Variants in MUC4 observed in about 807,000 individuals in gnomAD.
The protein encoded by MUC4 is mucin-4.
MUC4 carries 202 observed loss-of-function variants against 257.9 expected under a neutral mutation model. That is an observed-to-expected ratio of 0.78 (90% confidence interval 0.70 to 0.88). The LOEUF is 0.88. Among genes scored for constraint, MUC4 ranks in the 40% least tolerant of loss-of-function variants. The pLI, the probability that MUC4 is intolerant of heterozygous loss-of-function variation, is 0.00. For missense variants in MUC4, 5,976 were observed against 6,513.7 expected (o/e 0.92, Z 2.84); for synonymous variants, 2,351 against 2,757.1 (o/e 0.85, Z 4.62).
intron 1 of MUC4, among the ~76,000 whole-genome samples, chr3:195,798,236 A>G (rs935138581): frequency 1.3e-5 from 2 of 152,224 alleles, no homozygotes; most frequent in African/African-American, 4.8e-5. Flanking sequence ...AATAAATCTA[A>G]CAAAAGATGT....
In MUC4 at chr3:195,754,916, G is replaced by A. The variant is rs527732526; in HGVS notation, c.15169-544C>T. ...ATCCATGTATGTATGTGTGTGTCAT[G>A]CATGTATGCATGTATCCATGTATGT... On this transcript the variant is annotated intron_variant, in intron 18 of 24. Transcript: ENST00000463781. Among the ~76,000 whole-genome samples, 1,233 of 128,636 alleles carry A rather than the reference G, an allele frequency of 9.6e-3. 12 individuals carry two copies. The highest frequency in any genetic ancestry group is 0.034 in the African/African-American group (1,179 of 34,326). The allele number at this position is 128,636 out of a possible 152,430, so 84.4% of individuals were successfully genotyped here. A position where few individuals can be genotyped will look rare whatever the true frequency, so the allele number is the denominator to read the frequency against.
rs1192833264 is a variant in MUC4 at position 195,780,344 on chromosome 3, G to C, written c.11236C>G (p.Pro3746Ala). 3 of 1,414,332 alleles carry C rather than the reference G, an allele frequency of 2.1e-6. No individual in the cohort carries two copies. The highest frequency in any genetic ancestry group is 2.9e-6 in the Non-Finnish European group (3 of 1,044,764). 87.6% of individuals were successfully genotyped at this position (1,414,332 alleles called of 1,614,324 possible). Residue 3746 changes from proline to alanine, a missense_variant, in exon 2 of 25, where the codon CCT becomes GCT. By Grantham distance (27) the Pro-to-Ala change is conservative (BLOSUM62 -1). Coordinates refer to ENST00000463781, the MANE Select transcript of MUC4 (RefSeq NM_018406.7). ...GATGCTGAGGAAGTGCTGGTGACAGGAAGAGGGGTGACGTGACCTGTGGAT... is the reference window on the plus strand; with the variant it reads ...GATGCTGAGGAAGTGCTGGTGACAGCAAGAGGGGTGACGTGACCTGTGGAT... ...SASTGHVTPL[P>A]VTSTSSASTG...
chr3:195,759,214 T>G lies in MUC4; in HGVS notation c.14896A>C (p.Lys4966Gln). 1 of 1,614,100 alleles carries G rather than the reference T, an allele frequency of 6.2e-7. No individual in the cohort carries two copies. Among genetic ancestry groups the G allele is most frequent in the South Asian group, 1.1e-5 (1 of 91,074 alleles). ...INGGRVIEAY[K>Q]GQTTLIQYTS... ...TACTGAATCAGCGTGGTCTGCCCCT[T>G]GTAGGCTTCAATCACACGACCACCA... The change falls in exon 17 of 25, where the codon AAG (lysine) becomes CAG (glutamine). Residue 4966 changes from lysine to glutamine, a missense_variant. Lys to Gln is a moderately conservative substitution (Grantham distance 53). Transcript: ENST00000463781.
chr3:195,766,795 T>C lies in MUC4; in HGVS notation c.13530-44A>G. 5 of 1,568,724 alleles carry C rather than the reference T, an allele frequency of 3.2e-6. No homozygotes were observed. In the South Asian group the frequency reaches 5.6e-5, roughly 17 times the overall value. ...TCTCAGGCCTCTGCCGTGCACAGGC[T>C]CTTGCCTCGCGGTTGCAAGGCGTCC... On this transcript the variant is annotated intron_variant, in intron 7 of 24. Transcript: ENST00000463781.
intron 1 of MUC4, among the ~76,000 whole-genome samples, chr3:195,794,647 C>T (rs1201925331): frequency 2.0e-5 from 3 of 152,130 alleles, no homozygotes; most frequent in Non-Finnish European, 4.4e-5. Context: ...AAGGTGTGAG[C>T]CACCGCTCCC....
chr3:195,789,475 T>C lies in MUC4; in HGVS notation c.2105A>G (p.Asp702Gly), dbSNP rs929719426. 1 of 1,613,790 alleles carries C rather than the reference T, an allele frequency of 6.2e-7. No homozygotes were observed. Among genetic ancestry groups the C allele is most frequent in the Non-Finnish European group, 8.5e-7 (1 of 1,179,868 alleles). Residue 702 changes from aspartate to glycine, a missense_variant, in exon 2 of 25, where the codon GAT (aspartate) becomes GGT (glycine). Physicochemically the swap from Asp to Gly is moderately conservative, Grantham distance 94 (BLOSUM62 -1). Transcript: ENST00000463781. ...GGTCGGGGCCTGGGTTGTGTGACCATCCCCGGTGGGAGCTGGGGCAAAGGT... is the reference window on the plus strand; with the variant it reads ...GGTCGGGGCCTGGGTTGTGTGACCACCCCCGGTGGGAGCTGGGGCAAAGGT... ...ATTFAPAPTG[D>G]GHTTQAPTTA...
intron 19 of MUC4, 52 bp downstream of exon 19, chr3:195,754,161 A>C: frequency 6.4e-7 from 1 of 1,570,744 alleles, no homozygotes; most frequent in Non-Finnish European, 8.6e-7. Context: ...TACACCCTTG[A>C]GCTATCAGCT....
At chr3:195,767,534 C>CCACCATCATCACCAT (rs1379121101) in intron 7 of MUC4, among the ~76,000 whole-genome samples, 6 of 120,928 alleles carry the variant, frequency 5.0e-5, no homozygotes, top group Non-Finnish European at 6.6e-5. Context: ...ACCATCGCCA[C>CCACCATCATCACCAT]CACCATCATC....
At chr3:195,800,057 C>T (rs1329014328) in intron 1 of MUC4, among the ~76,000 whole-genome samples, 1 of 152,118 alleles carries the variant, frequency 6.6e-6, no homozygotes, top group Non-Finnish European at 1.5e-5. Flanking sequence ...GCGGGTGGAT[C>T]ATTTGAGGTC....
rs758939515 is a variant in MUC4, at chr3:195,750,977, T to C, written c.15783A>G (p.Leu5261=). Residue 5261 remains leucine, a synonymous_variant, in exon 23 of 25, where the codon TTA becomes TTG. Transcript: ENST00000463781. ...CCTCACTCCTCCGTGGAACGTGGTATAAGAACGCCTCCACCACCGCGGCCA... is the reference window on the plus strand; with the variant it reads ...CCTCACTCCTCCGTGGAACGTGGTACAAGAACGCCTCCACCACCGCGGCCA... The part of the protein sequence containing the change: ...QLLAAVVEAF[L]YHVPRRSEEP... The C allele has an allele frequency of 1.7e-5, 27 of 1,613,834 alleles. No individual in the cohort carries two copies. The highest frequency in any genetic ancestry group is 1.3e-5 in the Non-Finnish European group (15 of 1,179,994).
At chr3:195,767,519 C>CCACCATCATTGCCACCACCATCAT (rs1342916693) in intron 7 of MUC4, among the ~76,000 whole-genome samples, 4 of 125,236 alleles carry the variant, frequency 3.2e-5, no homozygotes, top group Admixed American at 7.7e-5. Context: ...ATCACCATCA[C>CCACCATCATTGCCACCACCATCAT]CACCACCATC....
Position 195,778,785 on chromosome 3 carries a change from G to A in MUC4, c.12790+5C>T, listed in dbSNP as rs771589561. On this transcript the variant is annotated splice_donor_5th_base_variant and intron_variant, in intron 2 of 24. Transcript: ENST00000463781. ...AGACATAAAGGCGAGGCAGTTGGCAGCTACCTGGTGTTTCCATCTTCAGAG... is the reference window on the plus strand; with the variant it reads ...AGACATAAAGGCGAGGCAGTTGGCAACTACCTGGTGTTTCCATCTTCAGAG... 4.4e-6 allele frequency: 7 copies of A among 1,605,706 alleles called. No homozygotes were observed. Among genetic ancestry groups the A allele is most frequent in the Admixed American group, 1.7e-5 (1 of 59,320 alleles).
intron 12 of MUC4, 73 bp from the exon 13 acceptor site, chr3:195,763,018 G>GC: frequency 7.1e-6 from 9 of 1,266,340 alleles, no homozygotes; most frequent in Middle Eastern, 1.9e-4. Flanking sequence ...AGCTGGGAGA[G>GC]CCCCTGGGGC....
In MUC4 at chr3:195,790,123, G is replaced by A. The variant is rs1294104650; in HGVS notation, c.1457C>T (p.Thr486Ile). The A allele has an allele frequency of 6.2e-7, 1 of 1,613,916 alleles. No individual in the cohort carries two copies. The highest frequency in any genetic ancestry group is 1.3e-5 in the African/African-American group (1 of 74,936). ...GCTGGAGAATGAGGAAGGCCATGTT[G>A]TTGTTTCATGTAGAGTAAATATTTC... ...SQEIFTLHET[T>I]TWPSSFSSKG... The change falls in exon 2 of 25, where the codon ACA becomes ATA. Residue 486 changes from threonine to isoleucine, a missense_variant. Thr to Ile is a moderately conservative substitution (Grantham distance 89). This residue lies in a region of MUC4 where 1,583 missense variants were observed against 1,257.4 expected (regional missense o/e 1.26). Transcript: ENST00000463781.
At position 195,757,298 on chromosome 3, in the gene MUC4, G is replaced by A. The variant is rs373899045; in HGVS notation, c.15017C>T (p.Ser5006Leu). The change falls in exon 18 of 25, where the codon TCG becomes TTG. Residue 5006 changes from serine to leucine, a missense_variant. Ser to Leu is a moderately radical substitution (Grantham distance 145). This residue lies in a region of MUC4 where 996 missense variants were observed against 1,137.3 expected (regional missense o/e 0.88). Coordinates refer to ENST00000463781, the MANE Select transcript of MUC4 (RefSeq NM_018406.7). This position sits in a 1 kb window ranked among gnomAD's most constrained non-coding sequence, Gnocchi z 4.8. Reference protein sequence around the residue: ...ENGTLLWTPKSLEPFTLEILA... With the variant: ...ENGTLLWTPKLLEPFTLEILA... ...AATCTCCAGAGTGAATGGCTCCAGC[G>A]ACTTGGGTGTCCACAGCAACGTCCC... The A allele has an allele frequency of 4.4e-6, 7 of 1,608,744 alleles. No individual in the cohort carries two copies. The highest frequency in any genetic ancestry group is 1.6e-4 in the Middle Eastern group (1 of 6,072).
intron 1 of MUC4, among the ~76,000 whole-genome samples, chr3:195,808,893 C>G (rs763795827): frequency 6.6e-6 from 1 of 152,108 alleles, no homozygotes; most frequent in Non-Finnish European, 1.5e-5. Context: ...ACAGATAGAC[C>G]GGGGGTTCTC....
chr3:195,766,608 G>T, intron 8 of MUC4, 55 bp downstream of exon 8: 2 of 1,508,552 alleles, frequency 1.3e-6, no homozygotes, highest in Non-Finnish European at 1.8e-6. Context: ...TGTATGGGCT[G>T]GAGGACACGC....
Position 195,788,699 on chromosome 3 carries a change from C to T in MUC4, c.2881G>A (p.Gly961Arg). ...QTETHTLSPS[G>R]SGKTFTTALI... ...GCCGTGGTGAAGGTTTTACCAGACC[C>T]TGAAGGTGACAGAGTGTGGGTCTCG... The change falls in exon 2 of 25, where the codon GGG (glycine) becomes AGG (arginine). Residue 961 changes from glycine (G) to arginine (R), a missense_variant. Coordinates refer to ENST00000463781, the MANE Select transcript of MUC4 (RefSeq NM_018406.7). The T allele has an allele frequency of 6.2e-7, 1 of 1,608,626 alleles. No homozygotes were observed. The highest frequency in any genetic ancestry group is 8.5e-7 in the Non-Finnish European group (1 of 1,179,600).
chr3:195,804,826 T>A (rs1735775675), intron 1 of MUC4, among the ~76,000 whole-genome samples: 1 of 152,222 alleles, frequency 6.6e-6, no homozygotes, highest in Non-Finnish European at 1.5e-5. Context: ...CAGCCCAGAA[T>A]CAACTGTGAC....
Sources: allele counts gnomAD v4.1 joint callset (sites outside exome capture counted in the v4.1 genomes callset), GRCh38; gene constraint gnomAD v4.1.1; regional missense constraint gnomAD v4.1.1; non-coding constraint Gnocchi (gnomAD v3.1); transcripts MANE v1.5; gene names NCBI Gene and HGNC (gene_info 2026-07-23, HGNC 2026-07-21).